NXPE1: variants seen among roughly 807,000 people sequenced by gnomAD.
NXPE1 encodes neurexophilin and PC-esterase domain family member 1, also known as NXPE family member 1.
NXPE1 carries 31 observed loss-of-function variants against 33.3 expected under a neutral mutation model. That is an observed-to-expected ratio of 0.93 (90% CI 0.70 to 1.26). NXPE1 has a LOEUF of 1.26. NXPE1 is among the 50% of genes most tolerant of loss of function. The probability of loss-of-function intolerance (pLI) is 0.00; values close to 1 mark genes in which losing one functional copy is unlikely to be tolerated. For missense variants in NXPE1, 661 were observed against 655.6 expected (o/e 1.01, Z -0.09); for synonymous variants, 229 against 231.4 (o/e 0.99, Z 0.09).
At chr11:114,531,836 C>T (rs1419892756) in intron 5 of NXPE1, among the ~76,000 whole-genome samples, 2 of 152,166 alleles carry the variant, frequency 1.3e-5, no homozygotes, top group African/African-American at 4.8e-5. Context: ...GTCACTTATG[C>T]TTTTGGCACT....
At chr11:114,551,186 T>C (rs1341957016) in exon 5 of NXPE1, 10 of 1,534,006 alleles carry the variant, frequency 6.5e-6, no homozygotes, top group African/African-American at 1.4e-5. Context: ...TTTTGAAGCA[T>C]TGTATTTGAG....
At chr11:114,522,008 A>G (rs574104994) in exon 9 of NXPE1, 3 of 1,613,458 alleles carry the variant, frequency 1.9e-6, no homozygotes, top group African/African-American at 2.7e-5. Context: ...CTGATTTCCA[A>G]TCACATGATC....
chr11:114,551,138 A>G, exon 5 of NXPE1: 1 of 1,532,970 alleles, frequency 6.5e-7, no homozygotes, highest in Non-Finnish European at 8.7e-7. Flanking sequence ...AAAATCATCC[A>G]GGTTACTACT....
chr11:114,528,000 A>G (rs555065705), intron 6 of NXPE1, 99 bp from the exon 7 acceptor site: 117 of 769,762 alleles, frequency 1.5e-4, no homozygotes, highest in Non-Finnish European at 2.1e-4. Flanking sequence ...TTAGTTTTCT[A>G]TAACTGGAAG....
At chr11:114,528,773 A>G (rs1591261468) in intron 6 of NXPE1, 1 of 640,180 alleles carries the variant, frequency 1.6e-6, no homozygotes, top group East Asian at 2.8e-5. Context: ...CCAGGTGCCA[A>G]GTATAACAGA....
intron 5 of NXPE1, among the ~76,000 whole-genome samples, chr11:114,533,610 C>T (rs1466078098): frequency 1.3e-5 from 2 of 152,218 alleles, no homozygotes; most frequent in Non-Finnish European, 2.9e-5. Context: ...TTCCAATGGG[C>T]TTCACAAACA....
chr11:114,538,081 A>C (rs1439772160), intron 5 of NXPE1, among the ~76,000 whole-genome samples: 1 of 152,200 alleles, frequency 6.6e-6, no homozygotes. Context: ...CAAAACAGAG[A>C]TGTAGACCAA....
At chr11:114,549,085 T>C (rs1246536730) in intron 5 of NXPE1, among the ~76,000 whole-genome samples, 2 of 151,764 alleles carry the variant, frequency 1.3e-5, no homozygotes, top group East Asian at 3.9e-4. Context: ...CCTATCAAAA[T>C]TGACCTGAGT....
At position 114,540,837 on chromosome 11, in the gene NXPE1, CTTTTTTTTTTTTTTTTTTTTTTTTTTT is replaced by C. The variant is rs142403291; in HGVS notation, c.100-9956_100-9930del. On this transcript the variant is annotated intron_variant, in intron 5 of 8. Transcript: ENST00000534921. ...TAGCTAAAACACAATAGAAAGCCAT[CTTTTTTTTTTTTTTTTTTTTTTTTTTT>C]TTTTTTTTTTTTTTTTTTTTTGGCT... is the stretch of plus-strand genomic sequence containing the variant. 3.1e-3 allele frequency among the ~76,000 whole-genome samples: 149 copies of C among 47,464 alleles called. 1 individual carries two copies. The highest frequency in any genetic ancestry group is 0.017 in the South Asian group (22 of 1,292). 31.1% of individuals were successfully genotyped at this position (47,464 alleles called of 152,430 possible).
intron 5 of NXPE1, among the ~76,000 whole-genome samples, chr11:114,548,322 T>C (rs1365775890): frequency 6.6e-6 from 1 of 152,068 alleles, no homozygotes; most frequent in Non-Finnish European, 1.5e-5. Flanking sequence ...TAAAGACAGA[T>C]CGTGTAGATA....
At position 114,551,083 on chromosome 11, in the gene NXPE1, C is replaced by T. The variant is rs1349602905; in HGVS notation, c.99+20G>A. 1 of 1,336,388 alleles carries T rather than the reference C, an allele frequency of 7.5e-7. No homozygotes were observed. Among genetic ancestry groups the T allele is most frequent in the Admixed American group, 2.0e-5 (1 of 50,696 alleles). The allele number at this position is 1,336,388 out of a possible 1,614,324, so 82.8% of individuals were successfully genotyped here. On this transcript the variant is annotated intron_variant, in intron 5 of 8. Transcript: ENST00000534921. ...TGAGGGCTTACTGTGTGATCTGCATCAAAGGTGATTTGCTCCTACCTTTGT... is the reference window on the plus strand; with the variant it reads ...TGAGGGCTTACTGTGTGATCTGCATTAAAGGTGATTTGCTCCTACCTTTGT...
downstream of NXPE1, among the ~76,000 whole-genome samples, chr11:114,521,489 A>G (rs756726667): frequency 2.0e-5 from 3 of 152,124 alleles, no homozygotes; most frequent in Non-Finnish European, 4.4e-5. Context: ...CATGGTATAC[A>G]TATTTTCTGT....
intron 5 of NXPE1, among the ~76,000 whole-genome samples, chr11:114,544,932 A>T (rs1395180764): frequency 6.6e-6 from 1 of 152,194 alleles, no homozygotes; most frequent in South Asian, 2.1e-4. Context: ...ACCAAAGAAG[A>T]GACACGCATT....
chr11:114,553,769 G>A (rs1948582720), intron 1 of NXPE1: 1 of 985,302 alleles, frequency 1.0e-6, no homozygotes, highest in African/African-American at 1.7e-5. Flanking sequence ...ACTGGTAGAG[G>A]TGAGCTGAAC....
chr11:114,523,002 ATGT>A, exon 8 of NXPE1: 2 of 1,613,862 alleles, frequency 1.2e-6, no homozygotes, highest in Non-Finnish European at 1.7e-6. Context: ...TGGTTGCAAA[ATGT>A]TGTTATCCAT....
chr11:114,554,679 A>G (rs1948607987), intron 1 of NXPE1, among the ~76,000 whole-genome samples: 1 of 152,226 alleles, frequency 6.6e-6, no homozygotes, highest in Non-Finnish European at 1.5e-5. Context: ...AAGATTCTTT[A>G]TTAACAGTAC....
In NXPE1 at chr11:114,548,155, G is replaced by A. The variant is rs1380464245; in HGVS notation, c.99+2948C>T. 2.0e-5 allele frequency among the ~76,000 whole-genome samples: 3 copies of A among 152,252 alleles called. No individual in the cohort carries two copies. In the East Asian group the frequency reaches 5.8e-4, roughly 29 times the overall value. On this transcript the variant is annotated intron_variant, in intron 5 of 8. Coordinates refer to ENST00000534921, the Ensembl canonical transcript of NXPE1. Reference sequence around the variant, plus strand: ...TAAAACACAAGCAATGAATATTTATGCACCGAGTACAGAGATACATGCTTA... The same window carrying A: ...TAAAACACAAGCAATGAATATTTATACACCGAGTACAGAGATACATGCTTA...
intron 2 of NXPE1, among the ~76,000 whole-genome samples, chr11:114,552,629 C>T (rs551734234): frequency 6.6e-6 from 1 of 151,962 alleles, no homozygotes; most frequent in Non-Finnish European, 1.5e-5. Flanking sequence ...CTCCTGCCCC[C>T]GAGACTGATC....
At chr11:114,525,737 T>G (rs137990981) in intron 7 of NXPE1, among the ~76,000 whole-genome samples, 62 of 152,322 alleles carry the variant, frequency 4.1e-4, no homozygotes, top group African/African-American at 1.3e-3. Context: ...TCTGTAAGCT[T>G]GCTTGCCCGC....
Sources: gnomAD v4.1 joint callset for allele counts (sites outside exome capture counted in the v4.1 genomes callset) on GRCh38, gnomAD v4.1.1 for gene constraint, MANE v1.5 for transcripts, NCBI Gene and HGNC (gene_info 2026-07-23, HGNC 2026-07-21) for gene names.